The following DZIP3 variants were observed in gnomAD, a reference collection of about 807,000 sequenced individuals.
DZIP3 encodes E3 ubiquitin-protein ligase DZIP3.
Under a neutral mutation model 162.0 loss-of-function variants are expected in DZIP3, and 118 were observed. The ratio of observed to expected loss-of-function variants is 0.73; its 90% CI spans 0.63 to 0.85. DZIP3 has a LOEUF of 0.85. DZIP3 is among the 40% of genes least tolerant of loss of function. The probability of loss-of-function intolerance (pLI) is 0.00; values close to 1 mark genes in which losing one functional copy is unlikely to be tolerated. For missense variants in DZIP3, 1,331 were observed against 1,407.0 expected, an observed-to-expected ratio of 0.95 and a Z score of 0.86; for synonymous variants, 438 against 458.6, an observed-to-expected ratio of 0.96 and a Z score of 0.57.
rs1943961423 is a variant in DZIP3, at chr3:108,672,565, A to G, written c.2498A>G (p.Gln833Arg). The change falls in exon 23 of 33, where the codon CAG becomes CGG. Residue 833 changes from glutamine (Q) to arginine (R), a missense_variant. Physicochemically the swap from Gln to Arg is conservative, Grantham distance 43. Around this residue, in one of 2 missense-constraint regions of DZIP3, gnomAD observed 1,278 missense variants for 1,317.1 expected, o/e 0.97. Transcript: ENST00000361582. ...LKEQLSMKRS[Q>R]WEMEKHNLES... ...TTAATGATCATGTATTTCAGATCTC[A>G]GTGGGAAATGGAAAAACATAATCTG... is the stretch of plus-strand genomic sequence containing the variant. 6.2e-7 allele frequency: 1 copy of G among 1,611,200 alleles called. No homozygotes were observed. Among genetic ancestry groups the G allele is most frequent in the Non-Finnish European group, 8.5e-7 (1 of 1,178,022 alleles).
intron 29 of DZIP3, 67 bp from the exon 30 acceptor site, chr3:108,688,526 C>T (rs1944575902): frequency 2.0e-6 from 3 of 1,529,270 alleles, no homozygotes; most frequent in Admixed American, 1.8e-5. Context: ...CCGTTCTGTA[C>T]TAATGTTTCA....
At chr3:108,610,858 T>A (rs1031104573) in intron 3 of DZIP3, among the ~76,000 whole-genome samples, 2 of 152,260 alleles carry the variant, frequency 1.3e-5, no homozygotes, top group Admixed American at 1.3e-4. Context: ...CTACTTTGTT[T>A]ACAATTTGAA....
intron 4 of DZIP3, 94 bp downstream of exon 4, chr3:108,611,423 AGGTCTTG>A: frequency 1.4e-6 from 2 of 1,449,806 alleles, no homozygotes; most frequent in Admixed American, 2.5e-5. Context: ...AGTATAGCCA[AGGTCTTG>A]AAAAAAATCT....
chr3:108,613,771 T>A (rs765831453), intron 4 of DZIP3, among the ~76,000 whole-genome samples: 3 of 152,138 alleles, frequency 2.0e-5, no homozygotes, highest in Non-Finnish European at 4.4e-5. Context: ...TTTCAGAGTA[T>A]CAAAATATAC....
rs1939666426 is a variant in DZIP3, at chr3:108,595,476, A to G, written c.-73+5637A>G. Among the ~76,000 whole-genome samples the G allele has an allele frequency of 1.3e-5, 2 of 152,128 alleles. 1 individual carries two copies. Among genetic ancestry groups the G allele is most frequent in the South Asian group, 4.1e-4 (2 of 4,828 alleles). ...CAAGCAATCCTGCCTCAGCCTTCCAAAGTGCTGGGATTACAGACATGAGCC... is the reference window on the plus strand; with the variant it reads ...CAAGCAATCCTGCCTCAGCCTTCCAGAGTGCTGGGATTACAGACATGAGCC... On this transcript the variant is annotated intron_variant, in intron 1 of 32. Coordinates refer to ENST00000361582, the MANE Select transcript of DZIP3 (RefSeq NM_014648.4).
chr3:108,642,650 CA>C, intron 13 of DZIP3, 136 bp downstream of exon 13: 3 of 963,822 alleles, frequency 3.1e-6, no homozygotes, highest in Non-Finnish European at 4.3e-6. Context: ...TACCAGCAAG[CA>C]GCGCTTGGTG....
At chr3:108,592,567 A>G (rs1939483859) in intron 1 of DZIP3, among the ~76,000 whole-genome samples, 1 of 151,884 alleles carries the variant, frequency 6.6e-6, no homozygotes, top group Non-Finnish European at 1.5e-5. Flanking sequence ...TGGGTGGTGC[A>G]TGCCTGTAGT....
Position 108,675,873 on chromosome 3 carries a change from G to T in DZIP3, c.2781G>T (p.Arg927Ser), listed in dbSNP as rs928158804. The change falls in exon 25 of 33, where the codon AGG becomes AGT. Residue 927 changes from arginine to serine, a missense_variant and splice_region_variant. Physicochemically the swap from Arg to Ser is moderately radical, Grantham distance 110. Transcript: ENST00000361582. Reference sequence around the variant, plus strand: ...TTAGAAACAAGATTGCATTCCTCAGGGTAAGTCCTGAAGTATATTTGGAGA... The same window carrying T: ...TTAGAAACAAGATTGCATTCCTCAGTGTAAGTCCTGAAGTATATTTGGAGA... The part of the protein sequence containing the change: ...ADVRNKIAFL[R>S]TQYNEQINKV... The T allele has an allele frequency of 1.2e-6, 2 of 1,608,202 alleles. No homozygotes were observed. The highest frequency in any genetic ancestry group is 4.5e-5 in the East Asian group (2 of 44,584).
At chr3:108,688,523 G>A in intron 29 of DZIP3, 70 bp from the exon 30 acceptor site, 5 of 1,517,310 alleles carry the variant, frequency 3.3e-6, no homozygotes, top group South Asian at 2.5e-5. Flanking sequence ...ACCCCGTTCT[G>A]TACTAATGTT....
chr3:108,631,150 C>A (rs1941868225), intron 8 of DZIP3, among the ~76,000 whole-genome samples: 1 of 148,706 alleles, frequency 6.7e-6, no homozygotes, highest in South Asian at 2.2e-4. Context: ...TCCCTTCACT[C>A]TCATCCTGGG....
At chr3:108,597,289 G>C (rs903399376) in intron 1 of DZIP3, among the ~76,000 whole-genome samples, 1 of 151,768 alleles carries the variant, frequency 6.6e-6, no homozygotes, top group Non-Finnish European at 1.5e-5. Context: ...TTCAACTTTA[G>C]GTTAAGAGTA....
At chr3:108,622,678 A>T (rs1325708950) in intron 5 of DZIP3, among the ~76,000 whole-genome samples, 2 of 152,040 alleles carry the variant, frequency 1.3e-5, no homozygotes, top group Non-Finnish European at 2.9e-5. Flanking sequence ...CACTGCTGCT[A>T]TATCTGCATT....
chr3:108,666,186 A>G (rs1943668529), intron 21 of DZIP3, among the ~76,000 whole-genome samples: 1 of 152,152 alleles, frequency 6.6e-6, no homozygotes, highest in East Asian at 1.9e-4. Flanking sequence ...TGAGGAGGGT[A>G]AAGGCACCTA....
At chr3:108,615,789 A>T (rs887564502) in intron 4 of DZIP3, among the ~76,000 whole-genome samples, 4 of 152,192 alleles carry the variant, frequency 2.6e-5, no homozygotes, top group Non-Finnish European at 4.4e-5. Context: ...GCAGCATAAA[A>T]TGGTTTACCC....
chr3:108,597,151 T>C (rs1056394871), intron 1 of DZIP3, among the ~76,000 whole-genome samples: 1 of 152,252 alleles, frequency 6.6e-6, no homozygotes, highest in Non-Finnish European at 1.5e-5. Flanking sequence ...TACAATTATT[T>C]TTCCTGTTTT....
At chr3:108,661,581 C>A (rs941445582) in intron 19 of DZIP3, among the ~76,000 whole-genome samples, 20 of 151,962 alleles carry the variant, frequency 1.3e-4, no homozygotes, top group Non-Finnish European at 2.2e-4. Context: ...CACATGTATA[C>A]ATATGTAACA....
At chr3:108,649,207 C>CT (rs1344443135) in intron 17 of DZIP3, among the ~76,000 whole-genome samples, 1 of 151,756 alleles carries the variant, frequency 6.6e-6, no homozygotes. Flanking sequence ...TAAATATAGA[C>CT]TGAATTAGTC....
At chr3:108,685,837 T>C (rs1248152647) in intron 27 of DZIP3, among the ~76,000 whole-genome samples, 1 of 152,212 alleles carries the variant, frequency 6.6e-6, no homozygotes, top group Non-Finnish European at 1.5e-5. Context: ...TAAGAAATAA[T>C]CACTTCTTAC....
chr3:108,675,661 T>A, intron 24 of DZIP3, 125 bp from the exon 25 acceptor site: 2 of 615,858 alleles, frequency 3.2e-6, no homozygotes, highest in Non-Finnish European at 5.3e-6. Flanking sequence ...TTGAAGTAAT[T>A]GTTGGTGATG....
Sources: allele counts gnomAD v4.1 joint callset (sites outside exome capture counted in the v4.1 genomes callset), GRCh38; gene constraint gnomAD v4.1.1; regional missense constraint gnomAD v4.1.1; transcripts MANE v1.5; gene names NCBI Gene and HGNC (gene_info 2026-07-23, HGNC 2026-07-21).